The following KIAA0825 variants were observed in gnomAD, a reference collection of about 807,000 sequenced individuals.
KIAA0825 encodes uncharacterized protein KIAA0825.
In KIAA0825, 119 loss-of-function variants were observed where a neutral mutation model predicts 147.6. That is an observed-to-expected ratio of 0.81 (90% CI 0.69 to 0.94). The LOEUF (loss-of-function observed/expected upper bound fraction) is 0.94. Ranked by LOEUF, KIAA0825 falls within the 40% of genes least tolerant of loss-of-function variation. The pLI is 0.00. For synonymous variants in KIAA0825, 470 were observed against 518.1 expected, an observed-to-expected ratio of 0.91 and a Z score of 1.26; for missense variants, 1,381 against 1,472.7, an observed-to-expected ratio of 0.94 and a Z score of 1.02.
intron 6 of KIAA0825, among the ~76,000 whole-genome samples, chr5:94,480,690 C>T (rs1032171732): frequency 5.9e-5 from 9 of 152,016 alleles, no homozygotes; most frequent in African/African-American, 2.2e-4. Context: ...GATGTTTATA[C>T]AAACCATCTG....
intron 20 of KIAA0825, among the ~76,000 whole-genome samples, chr5:94,278,950 A>C (rs1446831411): frequency 6.6e-6 from 1 of 152,076 alleles, no homozygotes; most frequent in African/African-American, 2.4e-5. Flanking sequence ...TTGAATGGTC[A>C]TATTATGTAA....
At chr5:94,232,845 A>C (rs1279866498) in intron 20 of KIAA0825, among the ~76,000 whole-genome samples, 1 of 152,130 alleles carries the variant, frequency 6.6e-6, no homozygotes, top group African/African-American at 2.4e-5. Context: ...TGCTCTCTAG[A>C]CATAAGATTC....
intron 20 of KIAA0825, among the ~76,000 whole-genome samples, chr5:94,273,703 C>T (rs553185591): frequency 5.3e-5 from 8 of 152,134 alleles, no homozygotes; most frequent in African/African-American, 1.7e-4. Flanking sequence ...TCTGCCTCCT[C>T]ATCTTTCTTA....
At chr5:94,562,165 T>G (rs1777673357) in intron 2 of KIAA0825, among the ~76,000 whole-genome samples, 1 of 152,220 alleles carries the variant, frequency 6.6e-6, no homozygotes, top group African/African-American at 2.4e-5. Flanking sequence ...AATCATGTGA[T>G]CTACTTCTTT....
chr5:94,533,825 G>A (rs1190241178), intron 3 of KIAA0825, among the ~76,000 whole-genome samples: 1 of 152,202 alleles, frequency 6.6e-6, no homozygotes, highest in African/African-American at 2.4e-5. Flanking sequence ...ACCCAGGTCT[G>A]ACTTGAATGG....
chr5:94,465,999 C>G lies in KIAA0825; in HGVS notation c.1873-940G>C, dbSNP rs147881018. On this transcript the variant is annotated intron_variant, in intron 10 of 20. Transcript: ENST00000682413. ...GGAAGATTAGAATGCATTCCTCAAGCATTATCTTGATTATGTTAATATATC... is the reference window on the plus strand; with the variant it reads ...GGAAGATTAGAATGCATTCCTCAAGGATTATCTTGATTATGTTAATATATC... Among the ~76,000 whole-genome samples the G allele has an allele frequency of 3.9e-5, 6 of 152,260 alleles. No individual in the cohort carries two copies. In the East Asian group the frequency reaches 1.2e-3, roughly 29 times the overall value.
At position 94,403,786 on chromosome 5, in the gene KIAA0825, C is replaced by T. The variant is rs1469500252; in HGVS notation, c.2670G>A (p.Thr890=). 2 of 1,551,168 alleles carry T rather than the reference C, an allele frequency of 1.3e-6. No individual in the cohort carries two copies. Among genetic ancestry groups the T allele is most frequent in the Admixed American group, 2.0e-5 (1 of 50,984 alleles). The change falls in exon 16 of 21, where the codon ACG becomes ACA. Residue 890 remains threonine (T), a synonymous_variant. Coordinates refer to ENST00000682413, the MANE Select transcript of KIAA0825 (RefSeq NM_001145678.3). ...WDFLYNIPVS[T]CVEYELEVIR... Reference sequence around the variant, plus strand: ...TGACCTCTAGCTCGTACTCCACGCACGTTGAGACTTTAAAATCAGATGGCA... The same window carrying T: ...TGACCTCTAGCTCGTACTCCACGCATGTTGAGACTTTAAAATCAGATGGCA...
chr5:94,176,346 C>T (rs764722661), intron 20 of KIAA0825, among the ~76,000 whole-genome samples: 5 of 152,144 alleles, frequency 3.3e-5, no homozygotes, highest in Admixed American at 2.0e-4. Flanking sequence ...CTGGATGTAG[C>T]TGCCCAATCT....
intron 20 of KIAA0825, among the ~76,000 whole-genome samples, chr5:94,251,789 C>T (rs1309372669): frequency 1.3e-5 from 2 of 151,878 alleles, no homozygotes; most frequent in Admixed American, 6.6e-5. Context: ...TAATGTAATA[C>T]AGTGCACCAA....
intron 2 of KIAA0825, among the ~76,000 whole-genome samples, chr5:94,548,620 T>C (rs992060704): frequency 6.6e-6 from 1 of 152,148 alleles, no homozygotes; most frequent in South Asian, 2.1e-4. Flanking sequence ...AGACATACAG[T>C]GGCTGAATGG....
At chr5:94,227,633 C>T (rs1044626364) in intron 20 of KIAA0825, among the ~76,000 whole-genome samples, 1 of 151,050 alleles carries the variant, frequency 6.6e-6, no homozygotes, top group Non-Finnish European at 1.5e-5. Context: ...CCATGGGATA[C>T]TACGCAGCCA....
At chr5:94,166,830 T>C (rs1768093526) in intron 20 of KIAA0825, among the ~76,000 whole-genome samples, 1 of 152,090 alleles carries the variant, frequency 6.6e-6, no homozygotes, top group African/African-American at 2.4e-5. Context: ...GAAAGCAGTA[T>C]AACTTTTTTT....
chr5:94,187,274 A>G (rs1470114615), intron 20 of KIAA0825, among the ~76,000 whole-genome samples: 1 of 151,726 alleles, frequency 6.6e-6, no homozygotes, highest in Non-Finnish European at 1.5e-5. Context: ...AAAGAAAACT[A>G]GCATTTTTTA....
Position 94,470,045 on chromosome 5 carries a change from C to A in KIAA0825, c.1788G>T (p.Thr596=). 6.4e-7 allele frequency: 1 copy of A among 1,551,590 alleles called. No individual in the cohort carries two copies. The highest frequency in any genetic ancestry group is 8.7e-7 in the Non-Finnish European group (1 of 1,146,920). The part of the protein sequence containing the change: ...EFINTLQFQV[T]NYCVRVCATS... ...TAGCACAAACTCTGACGCAGTAGTT[C>A]GTAACCTGAAACTGTAGAGTGTTGA... Residue 596 remains threonine, a synonymous_variant, in exon 10 of 21, where the codon ACG becomes ACT. Transcript: ENST00000682413.
intron 20 of KIAA0825, among the ~76,000 whole-genome samples, chr5:94,368,976 C>T (rs113879197): frequency 6.6e-5 from 10 of 151,916 alleles, no homozygotes; most frequent in South Asian, 2.1e-4. Flanking sequence ...GAGACCAGAC[C>T]GGGCAACATG....
chr5:94,355,459 TATA>T (rs1423612795), intron 20 of KIAA0825, among the ~76,000 whole-genome samples: 1 of 152,164 alleles, frequency 6.6e-6, no homozygotes, highest in Admixed American at 6.5e-5. Flanking sequence ...TAAGTCACGA[TATA>T]TAGAGTTAAA....
chr5:94,205,300 T>TATATATATATATATATATATATATA (rs1554242872), intron 20 of KIAA0825, among the ~76,000 whole-genome samples: 1 of 133,940 alleles, frequency 7.5e-6, no homozygotes, highest in Non-Finnish European at 1.6e-5. Flanking sequence ...TATATATATA[T>TATATATATATATATATATATATATA]TTTGTTTTGT....
chr5:94,172,344 T>C (rs1025034317), intron 20 of KIAA0825, among the ~76,000 whole-genome samples: 4 of 152,200 alleles, frequency 2.6e-5, no homozygotes, highest in Admixed American at 2.6e-4. Flanking sequence ...TTTTGCAAAA[T>C]GTATGGATAG....
rs758230934 is a variant in KIAA0825 at position 94,520,815 on chromosome 5, C to T, written c.403G>A (p.Gly135Arg). 6 of 1,613,168 alleles carry T rather than the reference C, an allele frequency of 3.7e-6. No individual in the cohort carries two copies. The highest frequency in any genetic ancestry group is 1.6e-4 in the Middle Eastern group (1 of 6,062). ...SSVSFPSTLS[G>R]TSFHFLSRTS... is the part of the protein sequence containing the mutation. ...CTAGAGAGGAAATGGAAAGATGTTC[C>T]ACTTAGGGTTGATGGGAATGAAACG... The change falls in exon 5 of 21, where the codon GGA becomes AGA. Residue 135 changes from glycine to arginine, a missense_variant. Transcript: ENST00000682413.
Sources: allele counts gnomAD v4.1 joint callset (sites outside exome capture counted in the v4.1 genomes callset), GRCh38; gene constraint gnomAD v4.1.1; transcripts MANE v1.5; gene names NCBI Gene and HGNC (gene_info 2026-07-23, HGNC 2026-07-21).